The following TOMM20 variants were observed in gnomAD, a reference collection of about 807,000 sequenced individuals.
TOMM20 encodes translocase of outer mitochondrial membrane 20, also known as mitochondrial import receptor subunit TOM20 homolog.
In TOMM20, 10 loss-of-function variants were observed where a neutral mutation model predicts 22.1. The ratio of observed to expected loss-of-function variants is 0.45; its 90% confidence interval spans 0.28 to 0.77. The LOEUF is 0.77. Among genes scored for constraint, TOMM20 ranks in the 30% least tolerant of loss-of-function variants. TOMM20 has a pLI of 0.13. For missense variants in TOMM20, 121 were observed against 172.2 expected, an observed-to-expected ratio of 0.70 and a Z score of 1.66; for synonymous variants, 55 against 61.4, an observed-to-expected ratio of 0.90 and a Z score of 0.49.
In TOMM20 at chr1:235,119,902, G is replaced by A; in HGVS notation, c.169-3C>T. 9.4e-6 allele frequency: 15 copies of A among 1,599,516 alleles called. No individual in the cohort carries two copies. The highest frequency in any genetic ancestry group is 1.3e-5 in the Non-Finnish European group (15 of 1,169,148). On this transcript the variant is annotated splice_region_variant and splice_polypyrimidine_tract_variant and intron_variant, in intron 2 of 4. Transcript: ENST00000366607. ...TCAGCATCTTTAAGGTCAGGTAACT[G>A]GAAATAAAATATTTAATAAATGACA...
At chr1:235,127,000 A>T (rs1178035171) in intron 1 of TOMM20, among the ~76,000 whole-genome samples, 1 of 152,224 alleles carries the variant, frequency 6.6e-6, no homozygotes, top group Non-Finnish European at 1.5e-5. Context: ...TTTAGATTGA[A>T]AATGATGGAG....
rs1660698509 is a variant in TOMM20, at chr1:235,109,459, A to G, written c.*2605T>C. 2 of 152,192 alleles carry G rather than the reference A, an allele frequency of 1.3e-5. No homozygotes were observed. The highest frequency in any genetic ancestry group is 1.3e-4 in the Admixed American group (2 of 15,264). The allele number at this position is 152,192 out of a possible 1,614,324, so 9.4% of individuals were successfully genotyped here. A position where few individuals can be genotyped will look rare whatever the true frequency, so the allele number is the denominator to read the frequency against. On this transcript the variant is annotated 3_prime_UTR_variant, in exon 5 of 5. Coordinates refer to ENST00000366607, the MANE Select transcript of TOMM20 (RefSeq NM_014765.3). ...ATCTGCATGATATACCAATTTTCTC[A>G]ATCTCTTCTGCAATAACATCTCATT...
intron 1 of TOMM20, among the ~76,000 whole-genome samples, chr1:235,126,762 T>C (rs1310308780): frequency 1.3e-5 from 2 of 152,136 alleles, no homozygotes; most frequent in Non-Finnish European, 2.9e-5. Context: ...ATCACCCCAC[T>C]GCACTCGAGC....
Position 235,128,830 on chromosome 1 carries a change from A to C in TOMM20, c.-115T>G. The C allele has an allele frequency of 1.3e-6, 2 of 1,523,050 alleles. No homozygotes were observed. Among genetic ancestry groups the C allele is most frequent in the Non-Finnish European group, 1.8e-6 (2 of 1,132,740 alleles). The allele number at this position is 1,523,050 out of a possible 1,614,324, so 94.3% of individuals were successfully genotyped here. ...CACCCGACGGCCGCGGGCCAGGAAC[A>C]CAGAAAGGCCGAGCACACGCCACTT... On this transcript the variant is annotated 5_prime_UTR_variant, in exon 1 of 5. Transcript: ENST00000366607.
At chr1:235,113,126 C>T (rs1474082253) in intron 4 of TOMM20, among the ~76,000 whole-genome samples, 2 of 152,146 alleles carry the variant, frequency 1.3e-5, no homozygotes, top group African/African-American at 4.8e-5. Context: ...CACGCTATTC[C>T]AAAAAGCAAG....
At chr1:235,126,374 G>A (rs1036643938) in intron 1 of TOMM20, among the ~76,000 whole-genome samples, 6 of 147,282 alleles carry the variant, frequency 4.1e-5, no homozygotes, top group South Asian at 2.2e-4. Context: ...GAGGTGATCC[G>A]CCCACCTCGG....
At position 235,128,828 on chromosome 1, in the gene TOMM20, A is replaced by G. The variant is rs527379403; in HGVS notation, c.-113T>C. The G allele has an allele frequency of 4.3e-5, 66 of 1,532,790 alleles. No homozygotes were observed. In the East Asian group the frequency reaches 1.4e-3, roughly 33 times the overall value. The allele number at this position is 1,532,790 out of a possible 1,614,324, so 94.9% of individuals were successfully genotyped here. A position where few individuals can be genotyped will look rare whatever the true frequency, so the allele number is the denominator to read the frequency against. ...CACACCCGACGGCCGCGGGCCAGGA[A>G]CACAGAAAGGCCGAGCACACGCCAC... On this transcript the variant is annotated 5_prime_UTR_variant, in exon 1 of 5. Coordinates refer to ENST00000366607, the MANE Select transcript of TOMM20 (RefSeq NM_014765.3).
rs186156706 is a variant in TOMM20, at chr1:235,120,176, G to A, written c.169-277C>T. On this transcript the variant is annotated intron_variant, in intron 2 of 4. Coordinates refer to ENST00000366607, the MANE Select transcript of TOMM20 (RefSeq NM_014765.3). The stretch of plus-strand genomic sequence containing the variant: ...TGCAAAATCTATACCGTCTACGCAC[G>A]TTACAATATTTTCGGATGCCATTAT... Among the ~76,000 whole-genome samples, 355 of 152,276 alleles carry A rather than the reference G, an allele frequency of 2.3e-3. 2 individuals carry two copies. Among genetic ancestry groups the A allele is most frequent in the African/African-American group, 8.3e-3 (346 of 41,554 alleles).
At chr1:235,121,828 A>T (rs1476990660) in intron 2 of TOMM20, among the ~76,000 whole-genome samples, 1 of 152,262 alleles carries the variant, frequency 6.6e-6, no homozygotes, top group Admixed American at 6.5e-5. Flanking sequence ...TGAGAAGAAA[A>T]AATAAATTAC....
chr1:235,127,695 T>C (rs752312009), intron 1 of TOMM20: 3 of 361,386 alleles, frequency 8.3e-6, no homozygotes, highest in Admixed American at 3.1e-5. Context: ...ATATTTCTTA[T>C]TGCAACAAAT....
In TOMM20 at chr1:235,114,543, T is replaced by C. The variant is rs750367026; in HGVS notation, c.251-633A>G. ...GCTCTGCTCCCCAGGGTTCACGCCA[T>C]TCTCCTGCCTCAGCCTCCCGCGCAG... On this transcript the variant is annotated intron_variant, in intron 3 of 4. Transcript: ENST00000366607. Among the ~76,000 whole-genome samples the C allele has an allele frequency of 4.6e-5, 7 of 150,714 alleles. 1 individual carries two copies. Among genetic ancestry groups the C allele is most frequent in the East Asian group, 2.0e-4 (1 of 5,068 alleles).
At position 235,128,749 on chromosome 1, in the gene TOMM20, C is replaced by A. The variant is rs767044930; in HGVS notation, c.-34G>T. On this transcript the variant is annotated 5_prime_UTR_variant, in exon 1 of 5. Transcript: ENST00000366607. ...CAACGCTGAGCGTGGACGGTGGCGG[C>A]AGGGACCGCGAAGGAGCGGTGGGCC... 6.2e-7 allele frequency: 1 copy of A among 1,612,508 alleles called. No homozygotes were observed. The highest frequency in any genetic ancestry group is 1.3e-5 in the African/African-American group (1 of 74,916).
At chr1:235,128,105 C>T (rs1476669273) in intron 1 of TOMM20, among the ~76,000 whole-genome samples, 1 of 152,076 alleles carries the variant, frequency 6.6e-6, no homozygotes, top group Non-Finnish European at 1.5e-5. Flanking sequence ...ACTCGGGAGG[C>T]GGAGGTTGCA....
At chr1:235,126,504 C>T (rs746299362) in intron 1 of TOMM20, among the ~76,000 whole-genome samples, 1 of 152,058 alleles carries the variant, frequency 6.6e-6, no homozygotes, top group Non-Finnish European at 1.5e-5. Context: ...CAAAATATTT[C>T]TACTCATAAA....
chr1:235,119,604 T>C (rs1485611234), intron 3 of TOMM20, among the ~76,000 whole-genome samples: 1 of 152,186 alleles, frequency 6.6e-6, no homozygotes, highest in Non-Finnish European at 1.5e-5. Context: ...TTAAAATATA[T>C]TATGGACAAC....
At chr1:235,122,131 A>C (rs939059585) in intron 2 of TOMM20, among the ~76,000 whole-genome samples, 195 bp downstream of exon 2, 15 of 152,198 alleles carry the variant, frequency 9.9e-5, no homozygotes, top group African/African-American at 3.6e-4. Context: ...CAAAAGAAAT[A>C]ATGAAGGACT....
chr1:235,114,440 T>C (rs1354334940), intron 3 of TOMM20, among the ~76,000 whole-genome samples: 1 of 34,732 alleles, frequency 2.9e-5, no homozygotes, highest in East Asian at 5.3e-4. Context: ...TTATTTTTTC[T>C]TTTTTTTTTT....
Position 235,110,591 on chromosome 1 carries a change from AG to A in TOMM20, c.*1472del, listed in dbSNP as rs1660723877. On this transcript the variant is annotated 3_prime_UTR_variant, in exon 5 of 5. Transcript: ENST00000366607. ...TGTGAGTCGCCTAGTCTAACAGTAG[AG>A]GTAAGTTCAAAGATGAAATGTGATT... 6.6e-6 allele frequency: 1 copy of A among 152,238 alleles called. No individual in the cohort carries two copies. Among genetic ancestry groups the A allele is most frequent in the Non-Finnish European group, 1.5e-5 (1 of 68,054 alleles). 9.4% of individuals were successfully genotyped at this position (152,238 alleles called of 1,614,324 possible).
At chr1:235,126,530 C>A (rs775902609) in intron 1 of TOMM20, among the ~76,000 whole-genome samples, 1 of 152,044 alleles carries the variant, frequency 6.6e-6, no homozygotes, top group African/African-American at 2.4e-5. Flanking sequence ...CTCATCCGGA[C>A]GCGGTGGCTC....
Sources: gnomAD v4.1 joint callset for allele counts (sites outside exome capture counted in the v4.1 genomes callset) on GRCh38, gnomAD v4.1.1 for gene constraint, MANE v1.5 for transcripts, NCBI Gene and HGNC (gene_info 2026-07-23, HGNC 2026-07-21) for gene names.